VPS13A: variants seen among roughly 807,000 people sequenced by gnomAD.
VPS13A encodes the protein vacuolar protein sorting 13 homolog A, also known as intermembrane lipid transfer protein VPS13A.
VPS13A carries 264 observed loss-of-function variants against 390.9 expected under a neutral mutation model. The observed-to-expected ratio is 0.68, with a 90% CI of 0.61 to 0.75. VPS13A has a LOEUF of 0.75. Among genes scored for constraint, VPS13A ranks in the 30% least tolerant of loss-of-function variants. VPS13A has a pLI of 0.00. For missense variants in VPS13A, 3,409 were observed against 3,733.9 expected (o/e 0.91, Z 2.27); for synonymous variants, 1,231 against 1,227.1 (o/e 1.00, Z -0.07).
At chr9:77,268,085 A>G (rs756412409) in intron 23 of VPS13A, among the ~76,000 whole-genome samples, 1 of 152,232 alleles carries the variant, frequency 6.6e-6, no homozygotes, top group African/African-American at 2.4e-5. Flanking sequence ...AGTGGATCTT[A>G]GCTTGCTGGG....
chr9:77,409,633 C>A (rs769392862), intron 71 of VPS13A, among the ~76,000 whole-genome samples: 10 of 151,310 alleles, frequency 6.6e-5, no homozygotes, highest in African/African-American at 1.5e-4. Flanking sequence ...AACCAAGGCA[C>A]GAGAACTAAG....
At chr9:77,377,220 T>TG (rs1833143128) in intron 67 of VPS13A, among the ~76,000 whole-genome samples, 1 of 136,030 alleles carries the variant, frequency 7.4e-6, no homozygotes, top group Non-Finnish European at 1.6e-5. Flanking sequence ...TTTTTTTTTT[T>TG]TTTTTTTTTT....
chr9:77,185,147 CT>C (rs936326410), intron 1 of VPS13A, among the ~76,000 whole-genome samples: 246 of 144,472 alleles, frequency 1.7e-3, no homozygotes, highest in Middle Eastern at 7.2e-3. Context: ...GACATTATCT[CT>C]TTTTTTTTTT....
At chr9:77,362,885 A>G (rs1832219059) in intron 59 of VPS13A, among the ~76,000 whole-genome samples, 1 of 152,132 alleles carries the variant, frequency 6.6e-6, no homozygotes, top group Admixed American at 6.5e-5. Context: ...TATGAATAAA[A>G]TTGATTTTTT....
chr9:77,391,147 TC>T (rs1169568518), intron 68 of VPS13A, among the ~76,000 whole-genome samples: 1 of 152,152 alleles, frequency 6.6e-6, no homozygotes, highest in Non-Finnish European at 1.5e-5. Context: ...GATACAGGAC[TC>T]AACTCATGAT....
intron 10 of VPS13A, among the ~76,000 whole-genome samples, chr9:77,217,682 G>A (rs1822937668): frequency 6.6e-6 from 1 of 151,964 alleles, no homozygotes; most frequent in African/African-American, 2.4e-5. Flanking sequence ...TGATGTTCAT[G>A]TACCACATTG....
intron 34 of VPS13A, among the ~76,000 whole-genome samples, chr9:77,305,376 T>C (rs184418640): frequency 1.3e-5 from 2 of 152,362 alleles, no homozygotes; most frequent in African/African-American, 4.8e-5. Flanking sequence ...AAGATAAATA[T>C]TTGAAGTCTA....
intron 22 of VPS13A, among the ~76,000 whole-genome samples, chr9:77,257,246 A>AT (rs1260497723): frequency 6.6e-6 from 1 of 151,584 alleles, no homozygotes; most frequent in East Asian, 1.9e-4. Context: ...TTATTTCTTT[A>AT]TTTTTTTAGA....
chr9:77,403,340 C>T lies in VPS13A; in HGVS notation c.9275+19C>T, dbSNP rs367598003. 107 of 1,595,314 alleles carry T rather than the reference C, an allele frequency of 6.7e-5. No individual in the cohort carries two copies. In the African/African-American group the frequency reaches 1.3e-3, roughly 19 times the overall value. On this transcript the variant is annotated intron_variant, in intron 69 of 71. Coordinates refer to ENST00000360280, the MANE Select transcript of VPS13A (RefSeq NM_033305.3). ...CCAGACGGTAACTTGCTTTCTTTCT[C>T]TTACGTAATTTTATAAGGGGTTAAC...
At chr9:77,229,503 C>T (rs1823704275) in intron 17 of VPS13A, among the ~76,000 whole-genome samples, 1 of 152,208 alleles carries the variant, frequency 6.6e-6, no homozygotes, top group South Asian at 2.1e-4. Context: ...CCATTTTGGA[C>T]AGTTCATATG....
At chr9:77,265,481 A>G (rs1454465524) in intron 23 of VPS13A, among the ~76,000 whole-genome samples, 2 of 152,062 alleles carry the variant, frequency 1.3e-5, no homozygotes, top group Admixed American at 1.3e-4. Context: ...GGAACTTGTT[A>G]TTGGTCTATT....
intron 20 of VPS13A, among the ~76,000 whole-genome samples, chr9:77,248,043 A>G (rs1034312110): frequency 2.0e-5 from 3 of 152,138 alleles, no homozygotes; most frequent in African/African-American, 7.2e-5. Context: ...TTACTTGATT[A>G]CTTAAAGTAT....
rs371138709 is a variant in VPS13A, at chr9:77,318,325, A to G, written c.5047A>G (p.Thr1683Ala). Residue 1683 changes from threonine to alanine, a missense_variant, in exon 41 of 72, where the codon ACT becomes GCT. Transcript: ENST00000360280. ...CATCCCAGAAGAAACGGCTTCTTCT[A>G]CTGCACATTTATGGGAAAAGAAGGA... is the stretch of plus-strand genomic sequence containing the variant. ...ETIPEETASS[T>A]AHLWEKKDTK... The G allele has an allele frequency of 7.9e-5, 128 of 1,612,758 alleles. No individual in the cohort carries two copies. The East Asian group carries it at 2.3e-3, about 29-fold the overall frequency.
rs187778603 is a variant in VPS13A at position 77,366,609 on chromosome 9, G to C, written c.8326-118G>C. ...TACTTAGTGATTTTAACATAATCCA[G>C]ATAACTTTGAAATCTTATTTATGGT... On this transcript the variant is annotated intron_variant, in intron 60 of 71. Transcript: ENST00000360280. The C allele has an allele frequency of 3.5e-6, 3 of 866,774 alleles. No homozygotes were observed. In the African/African-American group the frequency reaches 5.1e-5, roughly 15 times the overall value. 53.7% of individuals were successfully genotyped at this position (866,774 alleles called of 1,614,324 possible).
intron 1 of VPS13A, among the ~76,000 whole-genome samples, chr9:77,191,583 G>T (rs912177020): frequency 6.6e-6 from 1 of 152,206 alleles, no homozygotes; most frequent in African/African-American, 2.4e-5. Context: ...ACAGGCATGA[G>T]CCACCGTGCC....
intron 46 of VPS13A, among the ~76,000 whole-genome samples, chr9:77,336,204 G>A (rs1830529235): frequency 6.6e-6 from 1 of 152,096 alleles, no homozygotes; most frequent in Non-Finnish European, 1.5e-5. Context: ...GGCCTGTTGT[G>A]GGGTGAGGCG....
chr9:77,354,461 A>T (rs577375084), intron 54 of VPS13A, among the ~76,000 whole-genome samples: 2 of 152,304 alleles, frequency 1.3e-5, no homozygotes, highest in South Asian at 4.1e-4. Context: ...GACCTATTAT[A>T]TGTTATCTTC....
intron 68 of VPS13A, among the ~76,000 whole-genome samples, chr9:77,386,414 C>T (rs144615550): frequency 2.9e-3 from 435 of 152,138 alleles, no homozygotes; most frequent in African/African-American, 9.9e-3. Flanking sequence ...CCCAAATTTA[C>T]TGTGCTTGGC....
chr9:77,408,230 CT>C (rs1410606802), intron 71 of VPS13A, among the ~76,000 whole-genome samples: 1 of 152,196 alleles, frequency 6.6e-6, no homozygotes, highest in African/African-American at 2.4e-5. Context: ...AATTGACTGT[CT>C]GACCTCATTG....
Sources: allele counts gnomAD v4.1 joint callset (sites outside exome capture counted in the v4.1 genomes callset), GRCh38; gene constraint gnomAD v4.1.1; transcripts MANE v1.5; gene names NCBI Gene and HGNC (gene_info 2026-07-23, HGNC 2026-07-21).